Variants in PKD1 observed in about 807,000 individuals in gnomAD.
PKD1 encodes polycystin-1.
In PKD1, 81 loss-of-function variants were observed where a neutral mutation model predicts 361.7. That is an observed-to-expected ratio of 0.22 (90% CI 0.19 to 0.27). The LOEUF (loss-of-function observed/expected upper bound fraction) is 0.27, where lower values mean the gene tolerates loss of function less well. Among genes scored for constraint, PKD1 ranks in the 10% least tolerant of loss-of-function variants. The pLI is 1.00. For synonymous variants in PKD1, 3,615 were observed against 2,818.3 expected, an observed-to-expected ratio of 1.28 and a Z score of -8.95; for missense variants, 6,399 against 6,118.3, an observed-to-expected ratio of 1.05 and a Z score of -1.53.
chr16:2,099,165 A>G, intron 30 of PKD1: 5 of 331,732 alleles, frequency 1.5e-5, no homozygotes, highest in Non-Finnish European at 2.3e-5. Context: ...GGGTCTTGCT[A>G]TGTTGCCCAG....
intron 1 of PKD1, among the ~76,000 whole-genome samples, chr16:2,126,452 A>C (rs1371515940): frequency 6.6e-6 from 1 of 152,256 alleles, no homozygotes; most frequent in African/African-American, 2.4e-5. Context: ...TCAGCCCCAG[A>C]TGTAGCCCTT....
Position 2,103,291 on chromosome 16 carries a change from C to T in PKD1, c.8766G>A (p.Leu2922=). The change falls in exon 23 of 46, where the codon CTG becomes CTA. Residue 2922 remains leucine, a synonymous_variant. Coordinates refer to ENST00000262304, the MANE Select transcript of PKD1 (RefSeq NM_001009944.3). The stretch of plus-strand genomic sequence containing the variant: ...CGTCCAGCAGCGTATAGTTGAGCTG[C>T]AGATGCAGCCCGGCCGCAGGGTTGC... ...DSSNPAAGLH[L]QLNYTLLDGH... is the part of the protein sequence containing the mutation. 1.2e-6 allele frequency: 2 copies of T among 1,609,590 alleles called. No individual in the cohort carries two copies. Among genetic ancestry groups the T allele is most frequent in the South Asian group, 1.1e-5 (1 of 90,982 alleles).
chr16:2,107,832 A>G (rs1435685925), intron 16 of PKD1, 51 bp downstream of exon 16: 10 of 1,518,536 alleles, frequency 6.6e-6, no homozygotes, highest in African/African-American at 4.1e-5. Flanking sequence ...GTAGATGACC[A>G]GGGAGGCTGG....
In PKD1 at chr16:2,111,791, G is replaced by A; in HGVS notation, c.3376C>T (p.Leu1126=). 1 of 1,609,172 alleles carries A rather than the reference G, an allele frequency of 6.2e-7. No homozygotes were observed. The highest frequency in any genetic ancestry group is 8.5e-7 in the Non-Finnish European group (1 of 1,179,140). ...CTCACACCCACAGCCACGGAGGGCA[G>A]GGAGGCGCGCACGCTCACAGGCACC... ...QQVPVSVRAS[L]PSVAVGVSDG... Residue 1126 remains leucine, a synonymous_variant, in exon 15 of 46, where the codon CTG becomes TTG. Transcript: ENST00000262304.
At position 2,093,636 on chromosome 16, in the gene PKD1, G is replaced by A. The variant is rs746934982; in HGVS notation, c.10924C>T (p.Arg3642Cys). The A allele has an allele frequency of 2.0e-5, 32 of 1,609,470 alleles. No individual in the cohort carries two copies. Among genetic ancestry groups the A allele is most frequent in the South Asian group, 4.4e-5 (4 of 90,294 alleles). The change falls in exon 37 of 46, where the codon CGT (arginine) becomes TGT (cysteine). Residue 3642 changes from arginine (R) to cysteine (C), a missense_variant. Transcript: ENST00000262304. ...ESPAVTPVSA[R>C]VPRVRPPHGF... ...TGGGGTGGCCGTACGCGGGGCACAC[G>A]TGCGCTCACAGGCGTCACAGCCGGG... is the stretch of plus-strand genomic sequence containing the variant.
chr16:2,089,937 C>T lies in PKD1; in HGVS notation c.12702G>A (p.Glu4234=). The T allele has an allele frequency of 6.2e-7, 1 of 1,612,288 alleles. No homozygotes were observed. The highest frequency in any genetic ancestry group is 1.3e-5 in the African/African-American group (1 of 75,058). Residue 4234 remains glutamate (E), a synonymous_variant, in exon 46 of 46, where the codon GAG becomes GAA. Transcript: ENST00000262304. ...GCTGCTGCTCCAGCTGGTAGACGTC[C>T]TCTGTGGCCTGGTTGAGTCGGTCAA... The part of the protein sequence containing the change: ...TQFDRLNQAT[E]DVYQLEQQLH...
chr16:2,088,775 C>A lies in PKD1; in HGVS notation c.*952G>T. The A allele has an allele frequency of 2.1e-6, 2 of 962,976 alleles. No individual in the cohort carries two copies. Among genetic ancestry groups the A allele is most frequent in the African/African-American group, 1.7e-5 (1 of 60,550 alleles). The allele number at this position is 962,976 out of a possible 1,614,324, so 59.7% of individuals were successfully genotyped here. On this transcript the variant is annotated 3_prime_UTR_variant, in exon 46 of 46. Transcript: ENST00000262304. Reference sequence around the variant, plus strand: ...CGGGGGTTGGGGGGGTGTCGAGGCTCTAGAAGCGGCCATGCCCACAGAAGT... The same window carrying A: ...CGGGGGTTGGGGGGGTGTCGAGGCTATAGAAGCGGCCATGCCCACAGAAGT...
At chr16:2,095,975 C>G (rs1033779132) in intron 34 of PKD1, among the ~76,000 whole-genome samples, 2 of 152,196 alleles carry the variant, frequency 1.3e-5, no homozygotes, top group Non-Finnish European at 2.9e-5. Flanking sequence ...GGTTATCTGC[C>G]TTTTGTAAAT....
In PKD1 at chr16:2,132,495, A is replaced by C. The variant is rs2432383; in HGVS notation, c.215+2980T>G. On this transcript the variant is annotated intron_variant, in intron 1 of 45. Transcript: ENST00000262304. ...GAGGCTGAGGCAGGAGAATCGCTTG[A>C]ACCAGGGAGTCGGAGGTTGCGGTGA... is the stretch of plus-strand genomic sequence containing the variant. 4.0e-5 allele frequency among the ~76,000 whole-genome samples: 6 copies of C among 150,404 alleles called. No individual in the cohort carries two copies. In the East Asian group the frequency reaches 5.9e-4, roughly 15 times the overall value.
rs556480600 is a variant in PKD1 at position 2,103,697 on chromosome 16, C to A, written c.8360G>T (p.Arg2787Leu). Reference sequence around the variant, plus strand: ...GCACAGCAGGCTCCGCGGGTCCGAGCGCTTGCCCTGGGCCACGATCTCCTC... The same window carrying A: ...GCACAGCAGGCTCCGCGGGTCCGAGAGCTTGCCCTGGGCCACGATCTCCTC... ...AGEEIVAQGKRSDPRSLLCYG... is the reference protein window; with the variant it reads ...AGEEIVAQGKLSDPRSLLCYG... Residue 2787 changes from arginine (R) to leucine (L), a missense_variant, in exon 23 of 46, where the codon CGC becomes CTC. Arg to Leu is a moderately radical substitution (Grantham distance 102). Coordinates refer to ENST00000262304, the MANE Select transcript of PKD1 (RefSeq NM_001009944.3). 3.1e-6 allele frequency: 5 copies of A among 1,609,908 alleles called. No individual in the cohort carries two copies. The highest frequency in any genetic ancestry group is 3.3e-5 in the Admixed American group (2 of 59,976).
intron 13 of PKD1, 73 bp downstream of exon 13, chr16:2,112,715 G>A (rs1309080450): frequency 1.4e-5 from 21 of 1,484,288 alleles, no homozygotes; most frequent in South Asian, 3.4e-5. Flanking sequence ...CGTGATGTGG[G>A]GGTCCCTCGG....
At position 2,102,176 on chromosome 16, in the gene PKD1, G is replaced by C. The variant is rs775065144; in HGVS notation, c.9282C>G (p.Ile3094Met). The C allele has an allele frequency of 7.1e-6, 11 of 1,543,350 alleles. No individual in the cohort carries two copies. The highest frequency in any genetic ancestry group is 8.9e-6 in the Non-Finnish European group (10 of 1,125,680). Residue 3094 changes from isoleucine (I) to methionine (M), a missense_variant, in exon 26 of 46, where the codon ATC becomes ATG. By Grantham distance (10) the Ile-to-Met change is conservative. Coordinates refer to ENST00000262304, the MANE Select transcript of PKD1 (RefSeq NM_001009944.3). Reference sequence around the variant, plus strand: ...CATCCAACTGGTCCAGCTTGTGCAGGATGGCGGCCATGACCATGTAGGTCA... The same window carrying C: ...CATCCAACTGGTCCAGCTTGTGCAGCATGGCGGCCATGACCATGTAGGTCA... ...CLVTYMVMAA[I>M]LHKLDQLDAS...
At chr16:2,105,534 G>A (rs1159898399) in intron 20 of PKD1, 60 bp from the exon 21 acceptor site, 8 of 1,591,002 alleles carry the variant, frequency 5.0e-6, no homozygotes, top group Non-Finnish European at 6.0e-6. Flanking sequence ...CAGGAGGCCA[G>A]CAGATGCCCA....
chr16:2,094,641 A>G (rs547681861), intron 34 of PKD1: 1 of 253,042 alleles, frequency 4.0e-6, no homozygotes, highest in Admixed American at 5.1e-5. Flanking sequence ...TAACTTCTGG[A>G]CAAGGAAACA....
In PKD1 at chr16:2,089,991, T is replaced by G. The variant is rs751511886; in HGVS notation, c.12648A>C (p.Gln4216His). 151 of 1,611,308 alleles carry G rather than the reference T, an allele frequency of 9.4e-5. No homozygotes were observed. Among genetic ancestry groups the G allele is most frequent in the Non-Finnish European group, 1.0e-4 (120 of 1,179,516 alleles). ...TRCEPEPSRL[Q>H]AVFEALLTQF... ...GGGTGAGCAGGGCCTCGAACACGGC[T>G]TGGAGGCGGGAGGGCTCAGGCTCAC... Residue 4216 changes from glutamine (Q) to histidine (H), a missense_variant, in exon 46 of 46, where the codon CAA (glutamine) becomes CAC (histidine). Transcript: ENST00000262304.
intron 15 of PKD1, 38 bp from the exon 16 acceptor site, chr16:2,108,070 C>T (rs1300585381): frequency 6.9e-6 from 11 of 1,585,732 alleles, no homozygotes; most frequent in East Asian, 2.3e-5. Context: ...GGCCTGAGAG[C>T]CCCATCCAGT....
intron 41 of PKD1, 52 bp downstream of exon 41, chr16:2,091,729 C>G: frequency 6.3e-7 from 1 of 1,599,644 alleles, no homozygotes; most frequent in Non-Finnish European, 8.5e-7. Context: ...AGGGTGGGCT[C>G]CTGGCTGGTG....
In PKD1 at chr16:2,097,956, G is replaced by A. The variant is rs765747211; in HGVS notation, c.10079C>T (p.Ala3360Val). 3 of 1,597,280 alleles carry A rather than the reference G, an allele frequency of 1.9e-6. No individual in the cohort carries two copies. Among genetic ancestry groups the A allele is most frequent in the South Asian group, 2.2e-5 (2 of 90,590 alleles). ...GTCGATGTCCAGCACCTGCTGCCCG[G>A]CAGGTGTGGGGCTCGGGCTCCCAGC... is the stretch of plus-strand genomic sequence containing the variant. ...KVAGSPSPTP[A>V]GQQVLDIDSC... The change falls in exon 31 of 46, where the codon GCC becomes GTC. Residue 3360 changes from alanine (A) to valine (V), a missense_variant. Transcript: ENST00000262304.
rs770199582 is a variant in PKD1, at chr16:2,110,781, C to A, written c.4386G>T (p.Val1462=). 1.9e-6 allele frequency: 3 copies of A among 1,611,066 alleles called. No homozygotes were observed. Among genetic ancestry groups the A allele is most frequent in the Non-Finnish European group, 2.5e-6 (3 of 1,179,824 alleles). ...SAANDSALVE[V]QEPVLVTSIK... ...TGCTGGTGACCAGCACGGGCTCCTG[C>A]ACCTCCACCAGGGCTGAGTCATTGG... is the stretch of plus-strand genomic sequence containing the variant. The change falls in exon 15 of 46, where the codon GTG becomes GTT. Residue 1462 remains valine (V), a synonymous_variant. Transcript: ENST00000262304.
Sources: allele counts gnomAD v4.1 joint callset (sites outside exome capture counted in the v4.1 genomes callset), GRCh38; gene constraint gnomAD v4.1.1; transcripts MANE v1.5; gene names NCBI Gene and HGNC (gene_info 2026-07-23, HGNC 2026-07-21).